UMAD1: variants seen among roughly 807,000 people sequenced by gnomAD.
UMAD1 encodes UBAP1-MVB12-associated (UMA)-domain containing protein 1.
A neutral mutation model predicts 6.1 loss-of-function variants in UMAD1; 8 were observed. That is an observed-to-expected ratio of 1.30 (90% confidence interval 0.76 to 2.35). UMAD1 has a LOEUF of 2.35. Among genes scored for constraint, UMAD1 ranks in the 30% most tolerant of loss-of-function variants. UMAD1 has a pLI of 0.00. For missense variants in UMAD1, 130 were observed against 78.4 expected (o/e 1.66, Z -2.49); for synonymous variants, 56 against 31.4 (o/e 1.78, Z -2.61).
At chr7:7,849,572 G>T (rs2115322983) in intron 3 of UMAD1, among the ~76,000 whole-genome samples, 2 of 152,192 alleles carry the variant, frequency 1.3e-5, no homozygotes, top group South Asian at 4.1e-4. Context: ...CCCTGCGATG[G>T]TCATTCAACA....
chr7:7,862,861 T>G (rs562130512), intron 3 of UMAD1, among the ~76,000 whole-genome samples: 49 of 152,342 alleles, frequency 3.2e-4, no homozygotes, highest in African/African-American at 1.2e-3. Flanking sequence ...ACCTTTAAAA[T>G]TATTTCGCTT....
At chr7:7,727,172 G>A (rs1273272157) in intron 2 of UMAD1, among the ~76,000 whole-genome samples, 1 of 152,234 alleles carries the variant, frequency 6.6e-6, no homozygotes, top group African/African-American at 2.4e-5. Context: ...ACCAGTTGCA[G>A]AAATGAGGAC....
intron 2 of UMAD1, among the ~76,000 whole-genome samples, chr7:7,786,255 A>G (rs906450495): frequency 6.6e-6 from 1 of 152,222 alleles, no homozygotes; most frequent in Non-Finnish European, 1.5e-5. Flanking sequence ...CAGTGTTTCC[A>G]TGACCTTCAA....
At position 7,806,415 on chromosome 7, in the gene UMAD1, T is replaced by C. The variant is rs556693219; in HGVS notation, c.156+4672T>C. ...CTTAGATTGTCTTTTATGAGTTCAC[T>C]ATAGTGCAGGTTTTTGAAAGGCAGG... On this transcript the variant is annotated intron_variant, in intron 3 of 3. Transcript: ENST00000682710. Among the ~76,000 whole-genome samples, 46 of 152,328 alleles carry C rather than the reference T, an allele frequency of 3.0e-4. 1 individual carries two copies. The highest frequency in any genetic ancestry group is 2.2e-3 in the Admixed American group (34 of 15,310).
chr7:7,842,654 A>G (rs1783705649), intron 3 of UMAD1, among the ~76,000 whole-genome samples: 1 of 151,938 alleles, frequency 6.6e-6, no homozygotes, highest in Non-Finnish European at 1.5e-5. Flanking sequence ...TTTCACTAAG[A>G]AAGCTTATTA....
chr7:7,779,846 G>A (rs918135864), intron 2 of UMAD1, among the ~76,000 whole-genome samples: 2 of 152,098 alleles, frequency 1.3e-5, no homozygotes, highest in Non-Finnish European at 2.9e-5. Flanking sequence ...ATTTTACCAT[G>A]TTGCCCAGGC....
At chr7:7,725,623 T>C (rs568869856) in intron 2 of UMAD1, among the ~76,000 whole-genome samples, 1 of 152,314 alleles carries the variant, frequency 6.6e-6, no homozygotes, top group East Asian at 1.9e-4. Flanking sequence ...ATGAACTGGG[T>C]GCTTTCTGAC....
intron 3 of UMAD1, among the ~76,000 whole-genome samples, chr7:7,872,936 T>C (rs1165572905): frequency 6.6e-6 from 1 of 152,204 alleles, no homozygotes; most frequent in Non-Finnish European, 1.5e-5. Flanking sequence ...GGAAAGGTAT[T>C]ATTTGAACTA....
At position 7,877,133 on chromosome 7, in the gene UMAD1, C is replaced by CTAAAG. The variant is rs546341773; in HGVS notation, c.157-137_157-133dup. ...AACAGAGATTTGGATGAATGTAATT[C>CTAAAG]TAAAGTAAAGTAAAGAGCTGCGTTC... is the stretch of plus-strand genomic sequence containing the variant. On this transcript the variant is annotated intron_variant, in intron 3 of 3. Coordinates refer to ENST00000682710, the MANE Select transcript of UMAD1 (RefSeq NM_001302348.2). The CTAAAG allele has an allele frequency of 1.8e-4, 110 of 598,588 alleles. No homozygotes were observed. The African/African-American group carries it at 1.9e-3, about 10-fold the overall frequency. 37.1% of individuals were successfully genotyped at this position (598,588 alleles called of 1,614,324 possible).
At chr7:7,765,571 A>G (rs551851326) in intron 2 of UMAD1, among the ~76,000 whole-genome samples, 1 of 152,290 alleles carries the variant, frequency 6.6e-6, no homozygotes, top group African/African-American at 2.4e-5. Flanking sequence ...TTACTGACCC[A>G]TTAGTCATTT....
chr7:7,665,861 G>T (rs74968318), intron 1 of UMAD1, among the ~76,000 whole-genome samples: 1 of 148,580 alleles, frequency 6.7e-6, no homozygotes, highest in Non-Finnish European at 1.5e-5. Context: ...GTTGTAGCAT[G>T]TATCACTATT....
rs1554308885 is a variant in UMAD1 at position 7,649,175 on chromosome 7, A to AAAG, written c.-64+8356_-64+8357insGAA. 2.8e-3 allele frequency among the ~76,000 whole-genome samples: 291 copies of AAAG among 104,550 alleles called. 2 individuals are homozygous for AAAG. The highest frequency in any genetic ancestry group is 0.021 in the East Asian group (71 of 3,318). 68.6% of individuals were successfully genotyped at this position (104,550 alleles called of 152,430 possible). The stretch of plus-strand genomic sequence containing the variant: ...CTCCATCTCAAAAAAAAAAAAAAAA[A>AAAG]AAAAGAAAAGAAAAGAATAAAAAAG... On this transcript the variant is annotated intron_variant, in intron 1 of 3. Transcript: ENST00000682710.
chr7:7,701,825 T>G (rs1780471409), intron 2 of UMAD1, among the ~76,000 whole-genome samples: 1 of 152,220 alleles, frequency 6.6e-6, no homozygotes, highest in South Asian at 2.1e-4. Flanking sequence ...GATGACTGTC[T>G]GCCCTCTGAG....
chr7:7,830,889 T>G lies in UMAD1; in HGVS notation c.156+29146T>G, dbSNP rs1355225511. On this transcript the variant is annotated intron_variant, in intron 3 of 3. Coordinates refer to ENST00000682710, the MANE Select transcript of UMAD1 (RefSeq NM_001302348.2). This position sits in a 1 kb window ranked among gnomAD's most constrained non-coding sequence, Gnocchi z 5.3. ...TCTGCATAGAAAAATTTGTTATTAG[T>G]TTTTATGAATAAGCCAATCACCCAA... Among the ~76,000 whole-genome samples the G allele has an allele frequency of 6.6e-6, 1 of 152,166 alleles. No homozygotes were observed. The highest frequency in any genetic ancestry group is 1.5e-5 in the Non-Finnish European group (1 of 68,020).
chr7:7,749,804 G>C (rs1781644006), intron 2 of UMAD1, among the ~76,000 whole-genome samples: 1 of 152,100 alleles, frequency 6.6e-6, no homozygotes, highest in Non-Finnish European at 1.5e-5. Context: ...AAACGTCTAA[G>C]ATAAGAGTAT....
At chr7:7,650,781 A>G (rs1785207417) in intron 1 of UMAD1, among the ~76,000 whole-genome samples, 2 of 152,210 alleles carry the variant, frequency 1.3e-5, no homozygotes, top group Admixed American at 1.3e-4. Context: ...CTCTCCATCC[A>G]GTGATTTCCT....
chr7:7,847,103 AAAT>A (rs1167702355), intron 3 of UMAD1, among the ~76,000 whole-genome samples: 16 of 20,764 alleles, frequency 7.7e-4, no homozygotes, highest in African/African-American at 3.3e-3. Context: ...AAAAAAAAAA[AAAT>A]ATATATATAT....
intron 1 of UMAD1, among the ~76,000 whole-genome samples, chr7:7,645,958 G>A (rs568112253): frequency 6.6e-6 from 1 of 152,296 alleles, no homozygotes; most frequent in East Asian, 1.9e-4. Context: ...GAACCAGGGT[G>A]TGGCTCGTTT....
intron 3 of UMAD1, among the ~76,000 whole-genome samples, chr7:7,873,449 GATA>G (rs1196499203): frequency 2.6e-5 from 4 of 152,178 alleles, no homozygotes; most frequent in African/African-American, 9.7e-5. Context: ...CTGACCCGAG[GATA>G]ATTAGCATGG....
Sources: gnomAD v4.1 joint callset for allele counts (sites outside exome capture counted in the v4.1 genomes callset) on GRCh38, gnomAD v4.1.1 for gene constraint, Gnocchi (gnomAD v3.1) non-coding constraint, MANE v1.5 for transcripts, NCBI Gene and HGNC (gene_info 2026-07-23, HGNC 2026-07-21) for gene names.